Variants in ULK4 observed in about 807,000 individuals in gnomAD.
ULK4 encodes inactive serine/threonine-protein kinase ULK4.
ULK4 carries 133 observed loss-of-function variants against 160.6 expected under a neutral mutation model. That is an observed-to-expected ratio of 0.83 (90% CI 0.72 to 0.96). The LOEUF is 0.96. Among genes scored for constraint, ULK4 ranks in the 40% least tolerant of loss-of-function variants. ULK4 has a pLI of 0.00. For synonymous variants in ULK4, 534 were observed against 539.8 expected, an observed-to-expected ratio of 0.99 and a Z score of 0.15; for missense variants, 1,580 against 1,499.5, an observed-to-expected ratio of 1.05 and a Z score of -0.89.
In ULK4 at chr3:41,534,249, G is replaced by A. The variant is rs947175647; in HGVS notation, c.3226+31776C>T. ...ATTTCTGACACTCCATAAACCAATG[G>A]AGACAAATATAACTTCTTTAAATGC... On this transcript the variant is annotated intron_variant, in intron 32 of 36. Transcript: ENST00000301831. 2.6e-5 allele frequency among the ~76,000 whole-genome samples: 4 copies of A among 152,142 alleles called. No individual in the cohort carries two copies. The East Asian group carries it at 7.7e-4, about 29-fold the overall frequency.
chr3:41,480,881 A>C (rs1266896113), intron 32 of ULK4, among the ~76,000 whole-genome samples: 3 of 152,074 alleles, frequency 2.0e-5, no homozygotes, highest in African/African-American at 7.2e-5. Flanking sequence ...AAACCATCAG[A>C]TCTCATGAGA....
chr3:41,454,859 A>T (rs2083506660), intron 34 of ULK4, among the ~76,000 whole-genome samples: 3 of 148,504 alleles, frequency 2.0e-5, no homozygotes, highest in South Asian at 4.3e-4. Flanking sequence ...CGCCTGGCTA[A>T]TTTTTTTTTT....
intron 23 of ULK4, among the ~76,000 whole-genome samples, chr3:41,715,875 C>A (rs1232873445): frequency 6.6e-6 from 1 of 151,276 alleles, no homozygotes; most frequent in Non-Finnish European, 1.5e-5. Flanking sequence ...TTCCAAATTT[C>A]AATCATGAGC....
At chr3:41,290,945 A>G (rs2079548185) in intron 35 of ULK4, among the ~76,000 whole-genome samples, 1 of 152,210 alleles carries the variant, frequency 6.6e-6, no homozygotes, top group Non-Finnish European at 1.5e-5. Context: ...TTCACTGGAG[A>G]CAACACAGGC....
At chr3:41,775,303 T>A (rs1427355285) in intron 21 of ULK4, among the ~76,000 whole-genome samples, 1 of 150,770 alleles carries the variant, frequency 6.6e-6, no homozygotes, top group East Asian at 1.9e-4. Context: ...AAAGTGTATC[T>A]TTAAACCATT....
rs77190042 is a variant in ULK4 at position 41,652,745 on chromosome 3, A to G, written c.3071+10862T>C. ...CATGACACTGAGAACGACTGTGTTGAGAAATTGGACTGTTCTTATAAGTGT... is the reference window on the plus strand; with the variant it reads ...CATGACACTGAGAACGACTGTGTTGGGAAATTGGACTGTTCTTATAAGTGT... On this transcript the variant is annotated intron_variant, in intron 30 of 36. Coordinates refer to ENST00000301831, the MANE Select transcript of ULK4 (RefSeq NM_017886.4). Among the ~76,000 whole-genome samples, 385 of 152,324 alleles carry G rather than the reference A, an allele frequency of 2.5e-3. 1 individual carries two copies. The highest frequency in any genetic ancestry group is 8.4e-3 in the African/African-American group (348 of 41,570).
chr3:41,949,033 G>A (rs1336697074), intron 2 of ULK4, among the ~76,000 whole-genome samples: 3 of 152,148 alleles, frequency 2.0e-5, no homozygotes, highest in Admixed American at 1.3e-4. Flanking sequence ...AAGGCCAGGC[G>A]TGGTGGTTCA....
intron 17 of ULK4, among the ~76,000 whole-genome samples, chr3:41,871,957 T>A (rs372181837): frequency 1.3e-5 from 2 of 152,222 alleles, no homozygotes; most frequent in East Asian, 3.8e-4. Flanking sequence ...GGACAATATA[T>A]AATAAAGACT....
intron 35 of ULK4, among the ~76,000 whole-genome samples, chr3:41,358,995 C>A (rs979222793): frequency 4.6e-5 from 7 of 152,200 alleles, no homozygotes; most frequent in South Asian, 2.1e-4. Context: ...GTAGGGCCAA[C>A]AAAATGGGTT....
chr3:41,791,975 G>T (rs2040164612), intron 20 of ULK4, among the ~76,000 whole-genome samples: 1 of 152,122 alleles, frequency 6.6e-6, no homozygotes, highest in Non-Finnish European at 1.5e-5. Flanking sequence ...ATATCAGAAT[G>T]AAATCCCATC....
chr3:41,265,181 G>A (rs539678305), intron 35 of ULK4, among the ~76,000 whole-genome samples: 4 of 152,338 alleles, frequency 2.6e-5, no homozygotes, highest in African/African-American at 7.2e-5. Context: ...GGCAGGTAGG[G>A]GACCATCTCA....
At chr3:41,617,993 C>T (rs995400249) in intron 30 of ULK4, among the ~76,000 whole-genome samples, 2 of 151,942 alleles carry the variant, frequency 1.3e-5, no homozygotes, top group African/African-American at 4.8e-5. Context: ...CTATCAATAG[C>T]TGAATAGATC....
chr3:41,831,595 A>G (rs566243330), intron 18 of ULK4, among the ~76,000 whole-genome samples: 3 of 151,248 alleles, frequency 2.0e-5, no homozygotes, highest in Non-Finnish European at 1.5e-5. Flanking sequence ...GGTTTGTTAC[A>G]TAGGTATACG....
intron 19 of ULK4, among the ~76,000 whole-genome samples, chr3:41,800,927 A>G (rs180903131): frequency 1.3e-4 from 20 of 152,318 alleles, no homozygotes; most frequent in Admixed American, 1.2e-3. Flanking sequence ...ACTTACAGAA[A>G]TTTTAAAAAG....
intron 27 of ULK4, among the ~76,000 whole-genome samples, chr3:41,700,713 T>C (rs1168146428): frequency 6.6e-6 from 1 of 152,104 alleles, no homozygotes; most frequent in Non-Finnish European, 1.5e-5. Flanking sequence ...ACAGGAAGAT[T>C]TGGGCAACAA....
At position 41,540,309 on chromosome 3, in the gene ULK4, T is replaced by C. The variant is rs1575382795; in HGVS notation, c.3226+25716A>G. The stretch of plus-strand genomic sequence containing the variant: ...TGGTGTTTGGTTTCTGTTCTTGTGA[T>C]AGTTTGCAGAGAACGATGGCATCCA... On this transcript the variant is annotated intron_variant, in intron 32 of 36. Coordinates refer to ENST00000301831, the MANE Select transcript of ULK4 (RefSeq NM_017886.4). 5.9e-5 allele frequency among the ~76,000 whole-genome samples: 9 copies of C among 152,268 alleles called. 1 individual carries two copies. In the Middle Eastern group the frequency reaches 0.01, roughly 173 times the overall value.
intron 22 of ULK4, among the ~76,000 whole-genome samples, chr3:41,719,904 T>C (rs575809792): frequency 1.3e-5 from 2 of 152,254 alleles, no homozygotes; most frequent in Non-Finnish European, 2.9e-5. Context: ...CGTCTTGTTT[T>C]CTCTCCCTCC....
chr3:41,623,702 G>A (rs2033359741), intron 30 of ULK4, among the ~76,000 whole-genome samples: 1 of 152,124 alleles, frequency 6.6e-6, no homozygotes, highest in South Asian at 2.1e-4. Context: ...AGAGTGGGAA[G>A]GTGTGGACAA....
At chr3:41,618,059 A>T (rs150103401) in intron 30 of ULK4, among the ~76,000 whole-genome samples, 2 of 152,350 alleles carry the variant, frequency 1.3e-5, no homozygotes, top group East Asian at 3.9e-4. Context: ...TAAGGCATGA[A>T]GAAAAGATTA....
Sources: gnomAD v4.1 joint callset for allele counts (sites outside exome capture counted in the v4.1 genomes callset) on GRCh38, gnomAD v4.1.1 for gene constraint, MANE v1.5 for transcripts, NCBI Gene and HGNC (gene_info 2026-07-23, HGNC 2026-07-21) for gene names.